MAOA: variants seen among roughly 807,000 people sequenced by gnomAD.
MAOA encodes monoamine oxidase A.
A neutral mutation model predicts 42.0 loss-of-function variants in MAOA; 6 were observed. That is an observed-to-expected ratio of 0.14 (90% confidence interval 0.08 to 0.28). MAOA has a LOEUF of 0.28. MAOA is among the 10% of genes least tolerant of loss of function. The pLI is 1.00. For synonymous variants in MAOA, 140 were observed against 154.0 expected, an observed-to-expected ratio of 0.91 and a Z score of 0.67; for missense variants, 262 against 422.3, an observed-to-expected ratio of 0.62 and a Z score of 3.33.
intron 9 of MAOA, 63 bp downstream of exon 9, chrX:43,732,858 T>C (rs1323235648): frequency 4.2e-6 from 3 of 722,676 alleles, no homozygotes; most frequent in Non-Finnish European, 6.7e-6. Context: ...GTGGATGCTG[T>C]CAAAGTATAT....
intron 1 of MAOA, among the ~76,000 whole-genome samples, chrX:43,656,990 A>G (rs2033185605): frequency 9.3e-6 from 1 of 107,126 alleles, no homozygotes; most frequent in South Asian, 4.2e-4. Context: ...TTTTCCGTAG[A>G]AAATTTAGTA....
At chrX:43,665,437 A>G (rs1181950704) in intron 1 of MAOA, among the ~76,000 whole-genome samples, 1 of 111,204 alleles carries the variant, frequency 9.0e-6, no homozygotes, top group Non-Finnish European at 1.9e-5. Flanking sequence ...CATTTAGGGA[A>G]CTACAGCCCA....
chrX:43,715,270 C>T (rs931222563), intron 5 of MAOA, among the ~76,000 whole-genome samples: 1 of 109,068 alleles, frequency 9.2e-6, no homozygotes, highest in African/African-American at 3.4e-5. Context: ...GGTGAGGGGT[C>T]ATGGTTTCTT....
intron 12 of MAOA, 22 bp downstream of exon 12, chrX:43,742,069 A>G (rs780904991): frequency 2.5e-6 from 3 of 1,209,019 alleles, no homozygotes; most frequent in South Asian, 1.8e-5. Flanking sequence ...GCACTACGCC[A>G]ATTAATCCAA....
intron 3 of MAOA, among the ~76,000 whole-genome samples, chrX:43,701,168 C>G (rs373318745): frequency 1.8e-5 from 2 of 110,979 alleles, no homozygotes; most frequent in Non-Finnish European, 3.8e-5. Flanking sequence ...TCTTTTTTCC[C>G]CCTCACTTTG....
At chrX:43,681,481 A>G (rs994963101) in intron 1 of MAOA, among the ~76,000 whole-genome samples, 2 of 111,195 alleles carry the variant, frequency 1.8e-5, no homozygotes, top group Non-Finnish European at 3.8e-5. Flanking sequence ...CAGCCTTGGG[A>G]TAACAATGCT....
chrX:43,711,615 A>G (rs1228407549), intron 3 of MAOA, among the ~76,000 whole-genome samples: 1 of 111,986 alleles, frequency 8.9e-6, no homozygotes, highest in East Asian at 2.8e-4. Context: ...AAATAAATAG[A>G]AATAAATTTA....
rs138607881 is a variant in MAOA at position 43,691,536 on chromosome X, A to T, written c.169-1755A>T. 5.9e-3 allele frequency among the ~76,000 whole-genome samples: 665 copies of T among 112,120 alleles called. 12 individuals are homozygous for T. The highest frequency in any genetic ancestry group is 0.054 in the Admixed American group (572 of 10,587). ...AGAAAAATATAATTCATCAAAGTTA[A>T]CAGTGATTTAGTCTGGAAATAGAAA... On this transcript the variant is annotated intron_variant, in intron 2 of 14. Coordinates refer to ENST00000338702, the MANE Select transcript of MAOA (RefSeq NM_000240.4).
chrX:43,724,190 C>A (rs1444339958), intron 5 of MAOA, among the ~76,000 whole-genome samples: 1 of 111,589 alleles, frequency 9.0e-6, no homozygotes, highest in Non-Finnish European at 1.9e-5. Context: ...TGATGCTGGC[C>A]TCATAAAATG....
intron 8 of MAOA, 111 bp downstream of exon 8, chrX:43,731,964 A>G: frequency 2.6e-6 from 2 of 767,418 alleles, no homozygotes; most frequent in Non-Finnish European, 3.9e-6. Flanking sequence ...AAACTGGTAG[A>G]AAAAGGATTA....
intron 1 of MAOA, among the ~76,000 whole-genome samples, chrX:43,668,436 A>G (rs183684329): frequency 8.9e-6 from 1 of 112,604 alleles, no homozygotes; most frequent in East Asian, 2.8e-4. Context: ...TGTCTTGCAC[A>G]GAAAGCATTC....
At chrX:43,712,843 C>A in intron 5 of MAOA, 47 bp downstream of exon 5, 1 of 916,948 alleles carries the variant, frequency 1.1e-6, no homozygotes, top group Non-Finnish European at 1.6e-6. Context: ...CTTCCCTTCT[C>A]GTCTTTTATA....
chrX:43,700,511 G>C (rs894752209), intron 3 of MAOA, among the ~76,000 whole-genome samples: 6 of 111,970 alleles, frequency 5.4e-5, no homozygotes, highest in African/African-American at 1.9e-4. Context: ...CATGGGAGCT[G>C]TATGTGGCAC....
intron 9 of MAOA, among the ~76,000 whole-genome samples, chrX:43,735,138 A>G (rs977825903): frequency 1.8e-5 from 2 of 112,198 alleles, no homozygotes; most frequent in Non-Finnish European, 3.8e-5. Context: ...AGTGATCTCA[A>G]ATAACAGCCC....
Position 43,744,635 on chromosome X carries a change from T to A in MAOA, c.*122T>A. 1 of 747,034 alleles carries A rather than the reference T, an allele frequency of 1.3e-6. No homozygotes were observed. The highest frequency in any genetic ancestry group is 2.2e-5 in the South Asian group (1 of 44,519). 61.6% of individuals were successfully genotyped at this position (747,034 alleles called of 1,213,427 possible). Reference sequence around the variant, plus strand: ...TGTACTGGATTTAACTACCTTTGGCTTAATTCCAATCATTGTTAAAGTAAA... The same window carrying A: ...TGTACTGGATTTAACTACCTTTGGCATAATTCCAATCATTGTTAAAGTAAA... On this transcript the variant is annotated 3_prime_UTR_variant, in exon 15 of 15. Transcript: ENST00000338702.
intron 1 of MAOA, among the ~76,000 whole-genome samples, chrX:43,672,239 C>G (rs1318341560): frequency 9.0e-6 from 1 of 111,459 alleles, no homozygotes; most frequent in South Asian, 3.8e-4. Flanking sequence ...ATTTGGCTCT[C>G]TGTTTGTCTG....
chrX:43,730,757 C>T (rs908200991), intron 6 of MAOA, among the ~76,000 whole-genome samples: 2 of 110,607 alleles, frequency 1.8e-5, no homozygotes, highest in South Asian at 7.8e-4. Context: ...CGTGACTATC[C>T]CTAAAAGCAC....
intron 3 of MAOA, among the ~76,000 whole-genome samples, chrX:43,693,834 TC>T (rs2033556746): frequency 9.0e-6 from 1 of 110,614 alleles, no homozygotes; most frequent in Non-Finnish European, 1.9e-5. Context: ...CTACAGGCAA[TC>T]CCTGAGCAAC....
intron 1 of MAOA, among the ~76,000 whole-genome samples, chrX:43,675,984 G>A (rs1307788515): frequency 8.9e-6 from 1 of 112,225 alleles, no homozygotes; most frequent in Non-Finnish European, 1.9e-5. Flanking sequence ...CTGTCAGACA[G>A]GGACATTTAA....
Sources: gnomAD v4.1 joint callset for allele counts (sites outside exome capture counted in the v4.1 genomes callset) on GRCh38, gnomAD v4.1.1 for gene constraint, MANE v1.5 for transcripts, NCBI Gene and HGNC (gene_info 2026-07-23, HGNC 2026-07-21) for gene names.